The following NELL2 variants were observed in gnomAD, a reference collection of about 807,000 sequenced individuals.
NELL2 encodes the protein neural EGFL like 2, also known as protein kinase C-binding protein NELL2.
A neutral mutation model predicts 109.6 loss-of-function variants in NELL2; 41 were observed. That is an observed-to-expected ratio of 0.37 (90% CI 0.29 to 0.49). The LOEUF (loss-of-function observed/expected upper bound fraction) is 0.49, where lower values mean the gene tolerates loss of function less well. NELL2 is among the 20% of genes least tolerant of loss of function. The probability of loss-of-function intolerance (pLI) is 0.98; values close to 1 mark genes in which losing one functional copy is unlikely to be tolerated. For synonymous variants in NELL2, 355 were observed against 344.7 expected (o/e 1.03, Z -0.33); for missense variants, 900 against 1,008.3 (o/e 0.89, Z 1.45).
upstream of NELL2, among the ~76,000 whole-genome samples, chr12:44,878,435 A>G (rs936258433): frequency 6.6e-6 from 1 of 152,230 alleles, no homozygotes; most frequent in African/African-American, 2.4e-5. Flanking sequence ...GAGTTTCTCA[A>G]CCTGGGCAGG....
Position 44,687,083 on chromosome 12 carries a change from C to A in NELL2, c.1318+16643G>T, listed in dbSNP as rs189265214. On this transcript the variant is annotated intron_variant, in intron 12 of 19. Coordinates refer to ENST00000429094, the MANE Select transcript of NELL2 (RefSeq NM_001145108.2). ...CTCCACGGGCATAGGACCCTCCGAG[C>A]CAAGTGGGGGATATAATCTCCTGGT... Among the ~76,000 whole-genome samples, 11 of 152,334 alleles carry A rather than the reference C, an allele frequency of 7.2e-5. No individual in the cohort carries two copies. The East Asian group carries it at 2.1e-3, about 29-fold the overall frequency.
At chr12:44,530,864 A>G (rs1942021097) in intron 16 of NELL2, among the ~76,000 whole-genome samples, 2 of 152,162 alleles carry the variant, frequency 1.3e-5, no homozygotes, top group African/African-American at 4.8e-5. Context: ...AAGACCCTGA[A>G]CCGGAGCCAC....
Position 44,740,054 on chromosome 12 carries a change from C to A in NELL2, c.995-25313G>T, listed in dbSNP as rs1023818822. 9.2e-5 allele frequency among the ~76,000 whole-genome samples: 14 copies of A among 152,228 alleles called. 1 individual carries two copies. In the South Asian group the frequency reaches 2.9e-3, roughly 32 times the overall value. On this transcript the variant is annotated intron_variant, in intron 9 of 19. Transcript: ENST00000429094. ...AAGACCAAAAATACTTATTGTCTCG[C>A]CCTTTACAGAACAAACGTACATACC...
chr12:44,747,765 C>T (rs1035961650), intron 9 of NELL2, among the ~76,000 whole-genome samples: 13 of 152,202 alleles, frequency 8.5e-5, no homozygotes, highest in East Asian at 1.9e-4. Flanking sequence ...ACATATGCTG[C>T]GCTTCTGGTG....
chr12:44,661,897 C>A (rs916456884), intron 13 of NELL2, among the ~76,000 whole-genome samples: 1 of 152,060 alleles, frequency 6.6e-6, no homozygotes, highest in East Asian at 1.9e-4. Flanking sequence ...ATTTCCCTCT[C>A]TCTGTTCTCC....
At chr12:44,808,076 G>A (rs1316084160) in intron 3 of NELL2, among the ~76,000 whole-genome samples, 1 of 152,050 alleles carries the variant, frequency 6.6e-6, no homozygotes, top group Non-Finnish European at 1.5e-5. Flanking sequence ...CATCTAGGAG[G>A]AAAATACCCA....
intron 3 of NELL2, among the ~76,000 whole-genome samples, chr12:44,792,497 C>T (rs987708900): frequency 3.3e-5 from 5 of 152,064 alleles, no homozygotes; most frequent in African/African-American, 1.2e-4. Flanking sequence ...ATTAACTTTA[C>T]ATTTTAACTA....
At chr12:44,593,103 T>C (rs182471669) in intron 15 of NELL2, among the ~76,000 whole-genome samples, 93 of 152,258 alleles carry the variant, frequency 6.1e-4, no homozygotes, top group Admixed American at 4.2e-3. Flanking sequence ...ATGATCTATA[T>C]AACCCAAGGA....
intron 13 of NELL2, among the ~76,000 whole-genome samples, chr12:44,663,602 T>A (rs1947822642): frequency 6.6e-6 from 1 of 152,178 alleles, no homozygotes; most frequent in Non-Finnish European, 1.5e-5. Flanking sequence ...TGTCATTAGA[T>A]ACTTTGAAAT....
chr12:44,790,128 C>T (rs12319034), intron 3 of NELL2, among the ~76,000 whole-genome samples: 5,549 of 152,130 alleles, frequency 0.036, 339 homozygotes, highest in African/African-American at 0.12. Flanking sequence ...TCAAAGAACA[C>T]CTGGGAAATT....
intron 19 of NELL2, among the ~76,000 whole-genome samples, chr12:44,510,784 A>G (rs993690852): frequency 6.6e-6 from 1 of 152,174 alleles, no homozygotes; most frequent in African/African-American, 2.4e-5. Context: ...TGTAGAACTC[A>G]GCTGTGCCCT....
intron 15 of NELL2, among the ~76,000 whole-genome samples, chr12:44,549,690 C>A (rs924128850): frequency 1.3e-5 from 2 of 151,916 alleles, no homozygotes; most frequent in Admixed American, 6.6e-5. Context: ...GAATAAAATA[C>A]TTTTATTCTT....
chr12:44,554,390 C>T (rs79575426), intron 15 of NELL2, among the ~76,000 whole-genome samples: 10 of 152,046 alleles, frequency 6.6e-5, no homozygotes, highest in African/African-American at 2.4e-4. Context: ...TACATAAATG[C>T]TAGGAAATGC....
intron 15 of NELL2, among the ~76,000 whole-genome samples, chr12:44,565,400 G>A (rs969829683): frequency 1.3e-5 from 2 of 152,210 alleles, no homozygotes; most frequent in South Asian, 2.1e-4. Flanking sequence ...ATGTTAAAAT[G>A]TGAAATACGT....
chr12:44,754,887 A>G (rs1490895240), intron 9 of NELL2, among the ~76,000 whole-genome samples: 1 of 152,160 alleles, frequency 6.6e-6, no homozygotes, highest in Non-Finnish European at 1.5e-5. Flanking sequence ...TTCCATTAAG[A>G]TTTACTATCG....
At chr12:44,769,914 A>G (rs1293670153) in intron 9 of NELL2, among the ~76,000 whole-genome samples, 1 of 152,178 alleles carries the variant, frequency 6.6e-6, no homozygotes, top group Non-Finnish European at 1.5e-5. Context: ...CACACAAAAC[A>G]GTACATAATA....
rs1468189999 is a variant in NELL2 at position 44,876,288 on chromosome 12, C to G, written c.-419G>C. The G allele has an allele frequency of 4.3e-6, 5 of 1,165,172 alleles. No homozygotes were observed. In the Admixed American group the frequency reaches 1.3e-4, roughly 29 times the overall value. 72.2% of individuals were successfully genotyped at this position (1,165,172 alleles called of 1,614,324 possible). Reference sequence around the variant, plus strand: ...CGCACCCCCCCGTCTTCCCCGCCGCCCGAACCTGTTGTAAAGGCAGAGACA... The same window carrying G: ...CGCACCCCCCCGTCTTCCCCGCCGCGCGAACCTGTTGTAAAGGCAGAGACA... On this transcript the variant is annotated 5_prime_UTR_variant, in exon 1 of 20. Transcript: ENST00000429094.
At chr12:44,746,880 A>T (rs1940393316) in intron 9 of NELL2, among the ~76,000 whole-genome samples, 1 of 152,202 alleles carries the variant, frequency 6.6e-6, no homozygotes, top group Non-Finnish European at 1.5e-5. Context: ...CCATTGTGGA[A>T]GTCAGTGTGG....
At chr12:44,881,860 G>T (rs1174392748) in intron 1 of NELL2, 1 of 151,654 alleles carries the variant, frequency 6.6e-6, no homozygotes, top group African/African-American at 2.4e-5. Context: ...TAGAAAAATG[G>T]AACTATCAAT....
Sources: allele counts gnomAD v4.1 joint callset (sites outside exome capture counted in the v4.1 genomes callset), GRCh38; gene constraint gnomAD v4.1.1; transcripts MANE v1.5; gene names NCBI Gene and HGNC (gene_info 2026-07-23, HGNC 2026-07-21).